CYP2C18: variants seen among roughly 807,000 people sequenced by gnomAD.
CYP2C18 encodes the protein cytochrome P450 family 2 subfamily C member 18, also known as cytochrome P450 2C18.
CYP2C18 carries 38 observed loss-of-function variants against 41.3 expected under a neutral mutation model. The observed-to-expected ratio is 0.92, with a 90% CI of 0.71 to 1.21. The LOEUF (loss-of-function observed/expected upper bound fraction) is 1.21, where lower values mean the gene tolerates loss of function less well. CYP2C18 is among the 50% of genes most tolerant of loss of function. The pLI is 0.00. For missense variants in CYP2C18, 635 were observed against 591.4 expected (o/e 1.07, Z -0.77); for synonymous variants, 236 against 210.0 (o/e 1.12, Z -1.07).
In CYP2C18 at chr10:94,694,957, C is replaced by T. The variant is rs771834636; in HGVS notation, c.522C>T (p.Pro174=). The T allele has an allele frequency of 1.2e-6, 2 of 1,613,090 alleles. No individual in the cohort carries two copies. Among genetic ancestry groups the T allele is most frequent in the East Asian group, 2.2e-5 (1 of 44,860 alleles). ...CCACTTTCATCCTGGGCTGTGCTCC[C>T]TGCAATGTGATCTGCTCTGTTATTT... The part of the protein sequence containing the change: ...CDPTFILGCA[P]CNVICSVIFH... Residue 174 remains proline, a synonymous_variant, in exon 4 of 9, where the codon CCC becomes CCT. Transcript: ENST00000285979.
chr10:94,722,826 G>A (rs1211803771), intron 6 of CYP2C18, among the ~76,000 whole-genome samples: 3 of 152,010 alleles, frequency 2.0e-5, no homozygotes, highest in Non-Finnish European at 4.4e-5. Flanking sequence ...GAATTCTAAG[G>A]CCTTTAGCGC....
chr10:94,694,769 A>G, intron 3 of CYP2C18, 148 bp from the exon 4 acceptor site: 1 of 854,462 alleles, frequency 1.2e-6, no homozygotes, highest in African/African-American at 1.7e-5. Context: ...TGAGGTATTA[A>G]ATTTCAATAT....
At chr10:94,726,653 G>A (rs1440641413) in intron 7 of CYP2C18, among the ~76,000 whole-genome samples, 1 of 151,942 alleles carries the variant, frequency 6.6e-6, no homozygotes, top group Non-Finnish European at 1.5e-5. Context: ...ATAAACATAC[G>A]AAACACAGTC....
intron 5 of CYP2C18, among the ~76,000 whole-genome samples, chr10:94,719,616 C>T (rs1007323273): frequency 2.0e-5 from 3 of 151,816 alleles, no homozygotes; most frequent in African/African-American, 7.3e-5. Context: ...ACTCTGTCAC[C>T]CAGGATAGAG....
At position 94,687,869 on chromosome 10, in the gene CYP2C18, C is replaced by A. The variant is rs550117143; in HGVS notation, c.268C>A (p.His90Asn). The A allele has an allele frequency of 1.2e-6, 2 of 1,613,772 alleles. No homozygotes were observed. Among genetic ancestry groups the A allele is most frequent in the Non-Finnish European group, 1.7e-6 (2 of 1,179,780 alleles). ...YEAVKEALID[H>N]GEEFSGRGSF... ...AGCAGTGAAGGAGGCCCTGATTGAT[C>A]ATGGAGAGGAGTTTTCTGGAAGAGG... The change falls in exon 2 of 9, where the codon CAT (histidine) becomes AAT (asparagine). Residue 90 changes from histidine (H) to asparagine (N), a missense_variant. Physicochemically the swap from His to Asn is moderately conservative, Grantham distance 68. Coordinates refer to ENST00000285979, the MANE Select transcript of CYP2C18 (RefSeq NM_000772.3).
intron 4 of CYP2C18, among the ~76,000 whole-genome samples, chr10:94,697,024 G>A (rs567891712): frequency 1.1e-4 from 16 of 152,272 alleles, no homozygotes; most frequent in East Asian, 1.9e-4. Flanking sequence ...TGAAAGTGAC[G>A]GGGAGAATGG....
chr10:94,685,321 A>T (rs1313473275), intron 1 of CYP2C18, among the ~76,000 whole-genome samples: 3 of 151,400 alleles, frequency 2.0e-5, no homozygotes. Flanking sequence ...GACATGAGCC[A>T]TTGCACTTGA....
In CYP2C18 at chr10:94,724,350, A is replaced by G. The variant is rs2134205756; in HGVS notation, c.966A>G (p.Lys322=). 1.2e-6 allele frequency: 2 copies of G among 1,613,142 alleles called. No homozygotes were observed. Among genetic ancestry groups the G allele is most frequent in the East Asian group, 4.5e-5 (2 of 44,834 alleles). ...TTCTTACTTGTGTCTTATCAGCTAA[A>G]GTCCAGGAAGAGATTGAATGTGTAG... is the stretch of plus-strand genomic sequence containing the variant. The part of the protein sequence containing the change: ...LLLKYPEVTA[K]VQEEIECVVG... The change falls in exon 7 of 9, where the codon AAA becomes AAG. Residue 322 remains lysine (K), a synonymous_variant. Transcript: ENST00000285979.
intron 6 of CYP2C18, 30 bp downstream of exon 6, chr10:94,720,567 A>G: frequency 1.9e-6 from 3 of 1,597,326 alleles, no homozygotes; most frequent in Non-Finnish European, 2.6e-6. Flanking sequence ...GAGCAGGGTG[A>G]TTTTCAGAAA....
chr10:94,730,509 A>G (rs759466796), intron 7 of CYP2C18, among the ~76,000 whole-genome samples: 33 of 152,194 alleles, frequency 2.2e-4, no homozygotes, highest in Non-Finnish European at 4.4e-4. Context: ...TCTTTAAATG[A>G]CATTTTAAGT....
At chr10:94,710,259 C>A (rs751426544) in intron 5 of CYP2C18, among the ~76,000 whole-genome samples, 1 of 152,224 alleles carries the variant, frequency 6.6e-6, no homozygotes, top group South Asian at 2.1e-4. Context: ...GAGTGAACCA[C>A]GCACCTGGGT....
chr10:94,705,293 T>C (rs913541875), intron 4 of CYP2C18, among the ~76,000 whole-genome samples: 2 of 152,126 alleles, frequency 1.3e-5, no homozygotes, highest in Non-Finnish European at 2.9e-5. Context: ...TTCTCATTCA[T>C]AAGTGGGAGC....
intron 6 of CYP2C18, among the ~76,000 whole-genome samples, chr10:94,720,970 C>A (rs1243999893): frequency 6.6e-6 from 1 of 152,070 alleles, no homozygotes; most frequent in Non-Finnish European, 1.5e-5. Flanking sequence ...ATTCCATTTT[C>A]CAGCAGAACA....
At chr10:94,721,603 C>T (rs570521920) in intron 6 of CYP2C18, among the ~76,000 whole-genome samples, 3 of 152,160 alleles carry the variant, frequency 2.0e-5, no homozygotes, top group African/African-American at 7.2e-5. Flanking sequence ...CATCCCTCAC[C>T]TCCCTCCCAC....
intron 4 of CYP2C18, among the ~76,000 whole-genome samples, chr10:94,700,571 C>T (rs1847218247): frequency 6.6e-6 from 1 of 152,168 alleles, no homozygotes; most frequent in African/African-American, 2.4e-5. Flanking sequence ...TGGGCAAGGA[C>T]TTCATGTCTG....
intron 4 of CYP2C18, among the ~76,000 whole-genome samples, chr10:94,703,760 A>T (rs1847286132): frequency 6.6e-6 from 1 of 152,114 alleles, no homozygotes; most frequent in Non-Finnish European, 1.5e-5. Context: ...GTCTCACTGG[A>T]ATTCAGGTGC....
At chr10:94,730,719 G>T (rs1847816777) in intron 7 of CYP2C18, among the ~76,000 whole-genome samples, 1 of 152,030 alleles carries the variant, frequency 6.6e-6, no homozygotes, top group Admixed American at 6.6e-5. Flanking sequence ...ATTCAAATAG[G>T]AAAAGAATAA....
intron 4 of CYP2C18, among the ~76,000 whole-genome samples, chr10:94,697,892 A>G (rs1164654306): frequency 6.6e-6 from 1 of 152,256 alleles, no homozygotes; most frequent in Non-Finnish European, 1.5e-5. Flanking sequence ...CAAGGCCATT[A>G]CATAATGGTA....
At chr10:94,697,859 C>G (rs1039908240) in intron 4 of CYP2C18, among the ~76,000 whole-genome samples, 7 of 152,088 alleles carry the variant, frequency 4.6e-5, no homozygotes, top group African/African-American at 1.7e-4. Context: ...GACTTTAAAC[C>G]AACAAAGATC....
Sources: gnomAD v4.1 joint callset for allele counts (sites outside exome capture counted in the v4.1 genomes callset) on GRCh38, gnomAD v4.1.1 for gene constraint, MANE v1.5 for transcripts, NCBI Gene and HGNC (gene_info 2026-07-23, HGNC 2026-07-21) for gene names.